KLHL2: variants seen among roughly 807,000 people sequenced by gnomAD.
KLHL2 encodes the protein kelch like family member 2.
In KLHL2, 15 loss-of-function variants were observed where a neutral mutation model predicts 75.8. The ratio of observed to expected loss-of-function variants is 0.20; its 90% confidence interval spans 0.13 to 0.30. The LOEUF (loss-of-function observed/expected upper bound fraction) is 0.30, where lower values mean the gene tolerates loss of function less well. KLHL2 is among the 10% of genes least tolerant of loss of function. The pLI is 1.00. For synonymous variants in KLHL2, 214 were observed against 251.9 expected, an observed-to-expected ratio of 0.85 and a Z score of 1.42; for missense variants, 381 against 741.0, an observed-to-expected ratio of 0.51 and a Z score of 5.64.
intron 4 of KLHL2, among the ~76,000 whole-genome samples, chr4:165,244,657 A>T (rs1047066589): frequency 6.6e-6 from 1 of 152,118 alleles, no homozygotes; most frequent in African/African-American, 2.4e-5. Flanking sequence ...AAACAAACAA[A>T]AAAGGAACAG....
intron 5 of KLHL2, among the ~76,000 whole-genome samples, chr4:165,266,114 T>C (rs1054373286): frequency 3.3e-5 from 5 of 152,250 alleles, no homozygotes; most frequent in Non-Finnish European, 7.3e-5. Context: ...TGCATAAATG[T>C]CTTCTTTTGA....
In KLHL2 at chr4:165,305,596, C is replaced by T; in HGVS notation, c.922-12C>T. On this transcript the variant is annotated splice_polypyrimidine_tract_variant and intron_variant, in intron 8 of 14. Transcript: ENST00000226725. The stretch of plus-strand genomic sequence containing the variant: ...GTCATTTGTTCAAGTGCTTACATTT[C>T]TGCCCTTGTAGTTGATGGTGGTGGT... 6.3e-7 allele frequency: 1 copy of T among 1,592,744 alleles called. No individual in the cohort carries two copies. Among genetic ancestry groups the T allele is most frequent in the Non-Finnish European group, 8.6e-7 (1 of 1,160,598 alleles).
intron 8 of KLHL2, among the ~76,000 whole-genome samples, chr4:165,300,963 T>C (rs1053613331): frequency 6.6e-6 from 1 of 152,220 alleles, no homozygotes; most frequent in African/African-American, 2.4e-5. Context: ...TTTTCTGTTT[T>C]GCCTATTACT....
chr4:165,288,050 G>A (rs1226250863), intron 5 of KLHL2, among the ~76,000 whole-genome samples: 1 of 152,038 alleles, frequency 6.6e-6, no homozygotes, highest in Non-Finnish European at 1.5e-5. Flanking sequence ...TGAGCTTTTG[G>A]TGTCATTTCC....
At chr4:165,258,149 G>C (rs1284990390) in intron 4 of KLHL2, among the ~76,000 whole-genome samples, 2 of 152,126 alleles carry the variant, frequency 1.3e-5, no homozygotes, top group Non-Finnish European at 2.9e-5. Context: ...AGATATTTTG[G>C]CTTTTGGAGT....
At chr4:165,286,377 G>A (rs1394481357) in intron 5 of KLHL2, among the ~76,000 whole-genome samples, 1 of 152,124 alleles carries the variant, frequency 6.6e-6, no homozygotes, top group Non-Finnish European at 1.5e-5. Context: ...GGATCTGGGA[G>A]CAACAATATT....
At chr4:165,320,564 C>A (rs1440991007) in intron 14 of KLHL2, among the ~76,000 whole-genome samples, 7 of 152,012 alleles carry the variant, frequency 4.6e-5, no homozygotes, top group African/African-American at 1.7e-4. Flanking sequence ...ACCATAGGAA[C>A]CTTAAAGTTT....
At chr4:165,283,738 T>C (rs1743867727) in intron 5 of KLHL2, among the ~76,000 whole-genome samples, 1 of 152,222 alleles carries the variant, frequency 6.6e-6, no homozygotes. Context: ...GTAGGGATTC[T>C]GTGTGGGGAC....
At chr4:165,255,790 T>C (rs1741120156) in intron 4 of KLHL2, among the ~76,000 whole-genome samples, 1 of 152,140 alleles carries the variant, frequency 6.6e-6, no homozygotes, top group African/African-American at 2.4e-5. Flanking sequence ...AGGATAGCTA[T>C]GGCTAGCTGA....
chr4:165,246,774 G>A (rs1740297623), intron 4 of KLHL2, among the ~76,000 whole-genome samples: 1 of 152,166 alleles, frequency 6.6e-6, no homozygotes, highest in Non-Finnish European at 1.5e-5. Flanking sequence ...TTACCAGTTG[G>A]GCTTACAAGT....
At chr4:165,277,155 C>T in intron 5 of KLHL2, among the ~76,000 whole-genome samples, 1 of 152,060 alleles carries the variant, frequency 6.6e-6, no homozygotes, top group Non-Finnish European at 1.5e-5. Context: ...TTAAGACCAG[C>T]CCTGTTAGAA....
intron 8 of KLHL2, 142 bp downstream of exon 8, chr4:165,299,798 G>GC: frequency 1.5e-6 from 1 of 670,394 alleles, no homozygotes; most frequent in South Asian, 2.2e-5. Flanking sequence ...ATGCATTGTA[G>GC]TGTATGTAAT....
chr4:165,207,885 G>T lies in KLHL2; in HGVS notation c.9G>T (p.Thr3=), dbSNP rs1342307250. 2.1e-6 allele frequency: 3 copies of T among 1,440,834 alleles called. No homozygotes were observed. The highest frequency in any genetic ancestry group is 9.2e-7 in the Non-Finnish European group (1 of 1,089,736). The allele number at this position is 1,440,834 out of a possible 1,614,324, so 89.3% of individuals were successfully genotyped here. Residue 3 remains threonine, a synonymous_variant, in exon 1 of 15, where the codon ACG becomes ACT. Transcript: ENST00000226725. The surrounding 1 kb of genome is among the most constrained non-coding windows in gnomAD (Gnocchi z 4.2). ...GCCCGAGAGGAGCCACAATGGAGACGCCGCCGCTGCCTCCCGCGTGAGTGA... is the reference window on the plus strand; with the variant it reads ...GCCCGAGAGGAGCCACAATGGAGACTCCGCCGCTGCCTCCCGCGTGAGTGA... ME[T]PPLPPACTKQ... is the part of the protein sequence containing the mutation.
intron 4 of KLHL2, among the ~76,000 whole-genome samples, chr4:165,248,823 T>C (rs923435753): frequency 6.6e-6 from 1 of 152,212 alleles, no homozygotes; most frequent in Non-Finnish European, 1.5e-5. Flanking sequence ...AATTCGAAAA[T>C]TCAGCTATAA....
rs562184329 is a variant in KLHL2 at position 165,224,498 on chromosome 4, A to G, written c.153-4309A>G. Among the ~76,000 whole-genome samples, 4 of 152,346 alleles carry G rather than the reference A, an allele frequency of 2.6e-5. No homozygotes were observed. The South Asian group carries it at 8.3e-4, about 32-fold the overall frequency. On this transcript the variant is annotated intron_variant, in intron 2 of 14. Coordinates refer to ENST00000226725, the MANE Select transcript of KLHL2 (RefSeq NM_007246.4). ...GTTCTTAACATTCCAGAAGATATTT[A>G]AGCAAAATAGCCTGACCTGCCCTCT...
At chr4:165,318,678 T>C (rs971900033) in intron 14 of KLHL2, among the ~76,000 whole-genome samples, 1 of 152,020 alleles carries the variant, frequency 6.6e-6, no homozygotes, top group Non-Finnish European at 1.5e-5. Flanking sequence ...TTAAAACAAC[T>C]TCATTGAGGT....
intron 5 of KLHL2, among the ~76,000 whole-genome samples, chr4:165,275,196 T>G (rs1304732606): frequency 6.6e-6 from 1 of 152,124 alleles, no homozygotes; most frequent in Non-Finnish European, 1.5e-5. Context: ...AATGAAATTT[T>G]TCTCAGTTAA....
At chr4:165,278,697 C>A (rs764206073) in intron 5 of KLHL2, 8 of 1,603,902 alleles carry the variant, frequency 5.0e-6, no homozygotes, top group Non-Finnish European at 6.8e-6. Context: ...CCTTCCAAAG[C>A]GTAATATACC....
intron 5 of KLHL2, chr4:165,278,056 C>T (rs781560367): frequency 1.3e-6 from 2 of 1,535,292 alleles, no homozygotes; most frequent in South Asian, 2.2e-5. Flanking sequence ...AGCCCAAGGG[C>T]AGACTACAGA....
Sources: allele counts gnomAD v4.1 joint callset (sites outside exome capture counted in the v4.1 genomes callset), GRCh38; gene constraint gnomAD v4.1.1; non-coding constraint Gnocchi (gnomAD v3.1); transcripts MANE v1.5; gene names NCBI Gene and HGNC (gene_info 2026-07-23, HGNC 2026-07-21).